Variants in SLC25A21 observed in about 807,000 individuals in gnomAD.
SLC25A21 encodes mitochondrial 2-oxodicarboxylate carrier.
Under a neutral mutation model 43.8 loss-of-function variants are expected in SLC25A21, and 47 were observed. The ratio of observed to expected loss-of-function variants is 1.07; its 90% CI spans 0.85 to 1.37. The LOEUF (loss-of-function observed/expected upper bound fraction) is 1.37. SLC25A21 is among the 40% of genes most tolerant of loss of function. The probability of loss-of-function intolerance (pLI) is 0.00; values close to 1 mark genes in which losing one functional copy is unlikely to be tolerated. For synonymous variants in SLC25A21, 131 were observed against 121.3 expected (o/e 1.08, Z -0.52); for missense variants, 352 against 350.2 (o/e 1.00, Z -0.04).
At chr14:36,681,432 T>A (rs1882253766) in intron 9 of SLC25A21, among the ~76,000 whole-genome samples, 1 of 152,216 alleles carries the variant, frequency 6.6e-6, no homozygotes, top group African/African-American at 2.4e-5. Flanking sequence ...TCAACAGGAA[T>A]GTGATACAGA....
At chr14:36,801,943 G>A (rs1887883498) in intron 3 of SLC25A21, among the ~76,000 whole-genome samples, 1 of 152,118 alleles carries the variant, frequency 6.6e-6, no homozygotes. Context: ...TCCCTAATTA[G>A]ACCCTCTCAG....
Position 37,106,635 on chromosome 14 carries a change from G to A in SLC25A21, c.70+65646C>T, listed in dbSNP as rs538558740. Among the ~76,000 whole-genome samples, 8 of 152,282 alleles carry A rather than the reference G, an allele frequency of 5.3e-5. No homozygotes were observed. The East Asian group carries it at 1.5e-3, about 29-fold the overall frequency. On this transcript the variant is annotated intron_variant, in intron 1 of 9. Coordinates refer to ENST00000331299, the MANE Select transcript of SLC25A21 (RefSeq NM_030631.4). ...TAGCTCTGCTTTTGCCTTTTGTCCT[G>A]TTCCCTCAGAAGCATGTGATCTTTG... is the stretch of plus-strand genomic sequence containing the variant.
chr14:37,161,877 G>A (rs557377906), intron 1 of SLC25A21, among the ~76,000 whole-genome samples: 13 of 150,164 alleles, frequency 8.7e-5, no homozygotes, highest in Admixed American at 2.7e-4. Context: ...GCAGGAGAAC[G>A]GCGTGAACCC....
At chr14:37,066,156 G>A (rs1443814271) in intron 1 of SLC25A21, among the ~76,000 whole-genome samples, 2 of 152,074 alleles carry the variant, frequency 1.3e-5, no homozygotes, top group Non-Finnish European at 2.9e-5. Context: ...TATGACACTC[G>A]GAGAAAAATA....
chr14:37,099,117 T>C (rs1210173119), intron 1 of SLC25A21, among the ~76,000 whole-genome samples: 1 of 152,152 alleles, frequency 6.6e-6, no homozygotes, highest in Non-Finnish European at 1.5e-5. Flanking sequence ...TTAAAAATTT[T>C]TTTAACCTCT....
At chr14:36,956,828 T>C (rs1027500941) in intron 1 of SLC25A21, among the ~76,000 whole-genome samples, 2 of 152,198 alleles carry the variant, frequency 1.3e-5, no homozygotes, top group Non-Finnish European at 2.9e-5. Context: ...TATGTTTCAG[T>C]ATGACAAAAA....
At chr14:36,885,078 G>C (rs1299273269) in intron 1 of SLC25A21, among the ~76,000 whole-genome samples, 1 of 152,132 alleles carries the variant, frequency 6.6e-6, no homozygotes, top group African/African-American at 2.4e-5. Context: ...TTTTCTTCTA[G>C]TAATGTTACA....
intron 1 of SLC25A21, among the ~76,000 whole-genome samples, chr14:36,959,038 C>T (rs140301174): frequency 3.7e-4 from 57 of 152,258 alleles, no homozygotes; most frequent in East Asian, 5.8e-4. Context: ...AAAACACTGG[C>T]GTGTGCTTCT....
intron 3 of SLC25A21, among the ~76,000 whole-genome samples, chr14:36,742,908 G>A (rs1051485157): frequency 2.6e-5 from 4 of 152,158 alleles, no homozygotes; most frequent in African/African-American, 9.7e-5. Flanking sequence ...ATTCTTTCAA[G>A]TTTTCCTGAA....
intron 1 of SLC25A21, among the ~76,000 whole-genome samples, chr14:37,135,406 A>G (rs1963463339): frequency 6.6e-6 from 1 of 151,090 alleles, no homozygotes; most frequent in African/African-American, 2.4e-5. Context: ...CTCTAAAAAC[A>G]TATAATAAAA....
chr14:36,958,017 C>T (rs755922579), intron 1 of SLC25A21, among the ~76,000 whole-genome samples: 12 of 152,050 alleles, frequency 7.9e-5, no homozygotes, highest in Non-Finnish European at 1.0e-4. Context: ...GCTGGGTTCA[C>T]GTTAGCAGAA....
At chr14:36,774,719 C>A (rs1886759182) in intron 3 of SLC25A21, among the ~76,000 whole-genome samples, 1 of 152,104 alleles carries the variant, frequency 6.6e-6, no homozygotes, top group South Asian at 2.1e-4. Context: ...GCATGTGCCA[C>A]CACACCCAGC....
chr14:36,854,937 G>C (rs182141896), intron 2 of SLC25A21, among the ~76,000 whole-genome samples: 8 of 151,726 alleles, frequency 5.3e-5, no homozygotes, highest in Admixed American at 2.6e-4. Context: ...ATGAGGTGGG[G>C]GGGGGTATTC....
At chr14:37,096,558 T>C (rs1218131630) in intron 1 of SLC25A21, among the ~76,000 whole-genome samples, 2 of 152,186 alleles carry the variant, frequency 1.3e-5, no homozygotes, top group Non-Finnish European at 1.5e-5. Flanking sequence ...TTCCTTTTCA[T>C]TAATTTCTTT....
chr14:36,892,699 TC>T (rs897435896), intron 1 of SLC25A21, among the ~76,000 whole-genome samples: 18 of 151,202 alleles, frequency 1.2e-4, no homozygotes, highest in African/African-American at 4.4e-4. Flanking sequence ...CCCTCCCCAC[TC>T]CCCCAACCCC....
intron 2 of SLC25A21, among the ~76,000 whole-genome samples, chr14:36,872,482 T>C (rs1252813054): frequency 6.6e-6 from 1 of 152,206 alleles, no homozygotes; most frequent in Non-Finnish European, 1.5e-5. Context: ...AGTCTGCTCC[T>C]GCCTACTTGA....
At chr14:36,897,498 A>G (rs1456977377) in intron 1 of SLC25A21, among the ~76,000 whole-genome samples, 1 of 152,032 alleles carries the variant, frequency 6.6e-6, no homozygotes, top group African/African-American at 2.4e-5. Flanking sequence ...CCTTTAGCTC[A>G]GAGTAGTTTG....
At chr14:36,718,050 A>C (rs1291995539) in intron 6 of SLC25A21, among the ~76,000 whole-genome samples, 1 of 152,092 alleles carries the variant, frequency 6.6e-6, no homozygotes, top group African/African-American at 2.4e-5. Flanking sequence ...AATTATATTA[A>C]TATTTTTAAA....
chr14:37,081,599 A>G (rs567751403), intron 1 of SLC25A21, among the ~76,000 whole-genome samples: 12 of 152,348 alleles, frequency 7.9e-5, no homozygotes, highest in African/African-American at 2.9e-4. Context: ...GAAATACTAC[A>G]TTATTAAGCC....
Sources: gnomAD v4.1 joint callset for allele counts (sites outside exome capture counted in the v4.1 genomes callset) on GRCh38, gnomAD v4.1.1 for gene constraint, MANE v1.5 for transcripts, NCBI Gene and HGNC (gene_info 2026-07-23, HGNC 2026-07-21) for gene names.